IRAK2: variants seen among roughly 807,000 people sequenced by gnomAD.
The protein encoded by IRAK2 is interleukin 1 receptor associated kinase 2.
In IRAK2, 57 loss-of-function variants were observed where a neutral mutation model predicts 72.0. The ratio of observed to expected loss-of-function variants is 0.79; its 90% CI spans 0.64 to 0.99. The LOEUF (loss-of-function observed/expected upper bound fraction) is 0.99. IRAK2 is among the 50% of genes least tolerant of loss of function. The pLI is 0.00. For missense variants in IRAK2, 790 were observed against 794.4 expected, an observed-to-expected ratio of 0.99 and a Z score of 0.07; for synonymous variants, 293 against 312.7, an observed-to-expected ratio of 0.94 and a Z score of 0.67.
chr3:10,221,413 C>T (rs572121040), intron 8 of IRAK2, among the ~76,000 whole-genome samples: 1 of 151,344 alleles, frequency 6.6e-6, no homozygotes. Context: ...GCCACCATGC[C>T]CGGCTAACTT....
intron 2 of IRAK2, among the ~76,000 whole-genome samples, chr3:10,185,875 C>G (rs1459118081): frequency 6.6e-6 from 1 of 151,260 alleles, no homozygotes; most frequent in Admixed American, 6.6e-5. Flanking sequence ...CACTCCGTCT[C>G]AAAAATAAAT....
At chr3:10,183,372 C>T (rs1026648858) in intron 2 of IRAK2, among the ~76,000 whole-genome samples, 1 of 152,148 alleles carries the variant, frequency 6.6e-6, no homozygotes, top group African/African-American at 2.4e-5. Context: ...ATTTCCTCAG[C>T]CTTAGTTGCC....
chr3:10,239,154 C>A (rs1698013829), intron 12 of IRAK2, 115 bp downstream of exon 12: 1 of 973,168 alleles, frequency 1.0e-6, no homozygotes, highest in Non-Finnish European at 1.5e-6. Flanking sequence ...TTCAGCCATT[C>A]ACCAACCAGC....
chr3:10,195,554 A>AC (rs1469825416), intron 2 of IRAK2, among the ~76,000 whole-genome samples: 1 of 152,050 alleles, frequency 6.6e-6, no homozygotes, highest in African/African-American at 2.4e-5. Flanking sequence ...GTCTCAAAAA[A>AC]AAAAAAAAGG....
chr3:10,185,353 T>C (rs910461905), intron 2 of IRAK2, among the ~76,000 whole-genome samples: 3 of 148,430 alleles, frequency 2.0e-5, no homozygotes, highest in Non-Finnish European at 4.4e-5. Context: ...AGGTCGGGAG[T>C]TCGGGACCAG....
intron 3 of IRAK2, 21 bp from the exon 4 acceptor site, chr3:10,209,568 C>T (rs747559682): frequency 6.6e-6 from 10 of 1,508,036 alleles, no homozygotes; most frequent in Non-Finnish European, 8.9e-6. Context: ...TGCATCCTGA[C>T]CCATAGTCCC....
chr3:10,215,349 G>A (rs185194407), intron 6 of IRAK2, among the ~76,000 whole-genome samples: 33 of 129,890 alleles, frequency 2.5e-4, no homozygotes, highest in Admixed American at 1.4e-3. Context: ...AGCCCAGATC[G>A]CACCACTGCA....
chr3:10,192,548 A>G (rs1255770393), intron 2 of IRAK2, among the ~76,000 whole-genome samples: 1 of 151,910 alleles, frequency 6.6e-6, no homozygotes, highest in African/African-American at 2.4e-5. Flanking sequence ...ATATAAGACA[A>G]CTACCTTATA....
chr3:10,221,609 T>A (rs1272994409), intron 8 of IRAK2, among the ~76,000 whole-genome samples: 1 of 151,268 alleles, frequency 6.6e-6, no homozygotes, highest in African/African-American at 2.4e-5. Flanking sequence ...TGGAGTACAG[T>A]GGCGCAATCT....
At chr3:10,185,284 G>A (rs892084317) in intron 2 of IRAK2, among the ~76,000 whole-genome samples, 5 of 150,940 alleles carry the variant, frequency 3.3e-5, no homozygotes, top group African/African-American at 9.9e-5. Context: ...TCGGCCCGGC[G>A]CGGTGGCTCA....
intron 11 of IRAK2, among the ~76,000 whole-genome samples, chr3:10,238,424 A>G (rs536461044): frequency 5.9e-5 from 9 of 152,264 alleles, no homozygotes; most frequent in East Asian, 5.8e-4. Context: ...TCTTTCCCCA[A>G]TAAGCTCTAG....
At chr3:10,241,854 T>C (rs1698065815) in intron 12 of IRAK2, among the ~76,000 whole-genome samples, 1 of 147,586 alleles carries the variant, frequency 6.8e-6, no homozygotes, top group Admixed American at 6.7e-5. Flanking sequence ...ACGCCTGTAG[T>C]CCCTGCTACT....
intron 10 of IRAK2, among the ~76,000 whole-genome samples, chr3:10,228,808 G>C (rs534788769): frequency 6.6e-6 from 1 of 152,244 alleles, no homozygotes; most frequent in South Asian, 2.1e-4. Flanking sequence ...AGTGTTTCCT[G>C]AGGGCATTTG....
intron 2 of IRAK2, among the ~76,000 whole-genome samples, chr3:10,193,117 C>T (rs1447537545): frequency 6.6e-6 from 1 of 152,154 alleles, no homozygotes; most frequent in East Asian, 1.9e-4. Flanking sequence ...GTGATTCATG[C>T]TCATTAGGAA....
Position 10,178,037 on chromosome 3 carries a change from C to A in IRAK2, c.277+17C>A. 1 of 1,584,288 alleles carries A rather than the reference C, an allele frequency of 6.3e-7. No individual in the cohort carries two copies. Among genetic ancestry groups the A allele is most frequent in the Non-Finnish European group, 8.6e-7 (1 of 1,162,754 alleles). Reference sequence around the variant, plus strand: ...TCCTGAACTGTGAGTAACTCAGGGCCCTCCTTGAGTGGGGCCCATCACGCT... The same window carrying A: ...TCCTGAACTGTGAGTAACTCAGGGCACTCCTTGAGTGGGGCCCATCACGCT... On this transcript the variant is annotated intron_variant, in intron 2 of 12. Transcript: ENST00000256458.
chr3:10,202,428 C>T (rs1461360078), intron 3 of IRAK2, among the ~76,000 whole-genome samples: 1 of 152,074 alleles, frequency 6.6e-6, no homozygotes, highest in Non-Finnish European at 1.5e-5. Context: ...TCAATACCAT[C>T]CTGGCTAACA....
intron 10 of IRAK2, among the ~76,000 whole-genome samples, chr3:10,231,405 C>A (rs538453959): frequency 6.6e-6 from 1 of 152,090 alleles, no homozygotes; most frequent in Non-Finnish European, 1.5e-5. Flanking sequence ...AATTCTCCTG[C>A]CTCAGCTTCC....
intron 3 of IRAK2, among the ~76,000 whole-genome samples, chr3:10,200,889 A>G (rs561917804): frequency 7.9e-5 from 12 of 152,372 alleles, no homozygotes; most frequent in African/African-American, 2.6e-4. Context: ...TGACAGAGCG[A>G]GACTCTTCCT....
intron 1 of IRAK2, among the ~76,000 whole-genome samples, chr3:10,168,266 A>C (rs1162645870): frequency 6.7e-6 from 1 of 149,170 alleles, no homozygotes; most frequent in Non-Finnish European, 1.5e-5. Context: ...GCTGGAGTGC[A>C]GTGGCATGAT....
Sources: gnomAD v4.1 joint callset for allele counts (sites outside exome capture counted in the v4.1 genomes callset) on GRCh38, gnomAD v4.1.1 for gene constraint, MANE v1.5 for transcripts, NCBI Gene and HGNC (gene_info 2026-07-23, HGNC 2026-07-21) for gene names.